The following COL22A1 variants were observed in gnomAD, a reference collection of about 807,000 sequenced individuals.
COL22A1 encodes the protein collagen type XXII alpha 1 chain.
In COL22A1, 221 loss-of-function variants were observed where a neutral mutation model predicts 248.9. The observed-to-expected ratio is 0.89, with a 90% CI of 0.80 to 0.99. COL22A1 has a LOEUF of 0.99. Among genes scored for constraint, COL22A1 ranks in the 50% least tolerant of loss-of-function variants. The pLI is 0.00. For missense variants in COL22A1, 2,240 were observed against 2,179.0 expected (o/e 1.03, Z -0.56); for synonymous variants, 891 against 793.4 (o/e 1.12, Z -2.07).
intron 1 of COL22A1, among the ~76,000 whole-genome samples, chr8:138,894,630 T>C (rs1265055679): frequency 2.0e-5 from 3 of 152,108 alleles, no homozygotes; most frequent in Non-Finnish European, 4.4e-5. Context: ...GAGCTGGAGA[T>C]ATTCCTGGAA....
chr8:138,822,589 G>C (rs1353315727), intron 6 of COL22A1, among the ~76,000 whole-genome samples: 8 of 152,132 alleles, frequency 5.3e-5, no homozygotes, highest in Non-Finnish European at 1.2e-4. Flanking sequence ...GTCTTCATCT[G>C]CTCTAATATT....
At chr8:138,828,459 A>T (rs1206817324) in intron 5 of COL22A1, among the ~76,000 whole-genome samples, 1 of 152,116 alleles carries the variant, frequency 6.6e-6, no homozygotes, top group Non-Finnish European at 1.5e-5. Context: ...CTAGACTTAC[A>T]TCCTATCAAA....
chr8:138,630,652 T>G, intron 50 of COL22A1, 43 bp downstream of exon 50: 3 of 1,582,818 alleles, frequency 1.9e-6, no homozygotes, highest in Non-Finnish European at 2.6e-6. Context: ...CCAGAAAGGC[T>G]AAAGACAGAT....
At chr8:138,909,949 T>C (rs1815327851) in intron 1 of COL22A1, among the ~76,000 whole-genome samples, 2 of 152,160 alleles carry the variant, frequency 1.3e-5, no homozygotes, top group Non-Finnish European at 2.9e-5. Flanking sequence ...CTGAGATACA[T>C]CATTGCCAAA....
intron 46 of COL22A1, 78 bp downstream of exon 46, chr8:138,649,587 A>T (rs1277756073): frequency 2.6e-6 from 4 of 1,547,338 alleles, no homozygotes; most frequent in Non-Finnish European, 3.5e-6. Flanking sequence ...CTTCAGAGGC[A>T]GATGGGGCAA....
At chr8:138,677,983 C>T (rs555358820) in intron 40 of COL22A1, among the ~76,000 whole-genome samples, 21 of 152,288 alleles carry the variant, frequency 1.4e-4, no homozygotes, top group African/African-American at 4.1e-4. Context: ...AGGTAGAACT[C>T]GATATTGCTA....
At chr8:138,634,457 G>T (rs1373579752) in intron 49 of COL22A1, among the ~76,000 whole-genome samples, 1 of 152,106 alleles carries the variant, frequency 6.6e-6, no homozygotes, top group Non-Finnish European at 1.5e-5. Context: ...GGCTGCAACA[G>T]CAGTGGACTC....
intron 39 of COL22A1, among the ~76,000 whole-genome samples, chr8:138,683,507 C>T (rs760954747): frequency 8.5e-5 from 13 of 152,136 alleles, no homozygotes; most frequent in South Asian, 2.1e-4. Context: ...CCTCAGCAGA[C>T]GACATGCCCC....
chr8:138,748,232 G>A (rs116916799), intron 22 of COL22A1, among the ~76,000 whole-genome samples: 1,570 of 152,234 alleles, frequency 0.01, 15 homozygotes, highest in Non-Finnish European at 0.014. Context: ...ATCTCCCTCT[G>A]TCCTCTGAAC....
chr8:138,600,844 G>C (rs990213948), intron 60 of COL22A1, among the ~76,000 whole-genome samples: 4 of 152,192 alleles, frequency 2.6e-5, no homozygotes, highest in Admixed American at 2.6e-4. Context: ...GTCTAGTAAA[G>C]TCCTGATATT....
intron 56 of COL22A1, among the ~76,000 whole-genome samples, chr8:138,609,773 C>A (rs925854478): frequency 1.3e-5 from 2 of 152,098 alleles, no homozygotes; most frequent in Non-Finnish European, 2.9e-5. Flanking sequence ...CATACGGTGC[C>A]AACACAGGCC....
chr8:138,814,253 G>C, intron 7 of COL22A1, among the ~76,000 whole-genome samples: 1 of 152,204 alleles, frequency 6.6e-6, no homozygotes, highest in South Asian at 2.1e-4. Context: ...CTTGAGCAAC[G>C]AGCAATCTCC....
At chr8:138,906,032 G>A (rs896186828) in intron 1 of COL22A1, among the ~76,000 whole-genome samples, 1 of 152,026 alleles carries the variant, frequency 6.6e-6, no homozygotes, top group African/African-American at 2.4e-5. Context: ...TTCCTTAGGG[G>A]CTCCCACAGA....
chr8:138,641,565 T>C (rs1821712808), intron 47 of COL22A1, among the ~76,000 whole-genome samples: 1 of 152,296 alleles, frequency 6.6e-6, no homozygotes, highest in African/African-American at 2.4e-5. Context: ...AGACCCTATA[T>C]CTTAAAGTCA....
chr8:138,859,189 G>T (rs559316893), intron 3 of COL22A1, among the ~76,000 whole-genome samples: 63 of 152,338 alleles, frequency 4.1e-4, no homozygotes, highest in Middle Eastern at 3.4e-3. Flanking sequence ...TTAGCACACA[G>T]CCTGGGCATG....
At chr8:138,630,630 A>C in intron 50 of COL22A1, 65 bp downstream of exon 50, 1 of 1,447,992 alleles carries the variant, frequency 6.9e-7, no homozygotes, top group Non-Finnish European at 9.7e-7. Context: ...GAATTGGCAA[A>C]CACCTGGGGT....
At chr8:138,892,591 T>C (rs1381932875) in intron 1 of COL22A1, among the ~76,000 whole-genome samples, 1 of 152,154 alleles carries the variant, frequency 6.6e-6, no homozygotes, top group Non-Finnish European at 1.5e-5. Context: ...GCTGGCAGGA[T>C]GTAGGCCACA....
At chr8:138,601,151 GGCTGCCTGAGTC>G (rs1317070095) in intron 60 of COL22A1, among the ~76,000 whole-genome samples, 1 of 151,716 alleles carries the variant, frequency 6.6e-6, no homozygotes, top group East Asian at 1.9e-4. Context: ...TAGCTCCCAC[GGCTGCCTGAGTC>G]GCATTCTCGG....
At chr8:138,896,210 A>C (rs1825404662) in intron 1 of COL22A1, among the ~76,000 whole-genome samples, 2 of 152,244 alleles carry the variant, frequency 1.3e-5, no homozygotes, top group African/African-American at 4.8e-5. Flanking sequence ...GATAAAAATA[A>C]GGGCATATAT....
Sources: gnomAD v4.1 joint callset for allele counts (sites outside exome capture counted in the v4.1 genomes callset) on GRCh38, gnomAD v4.1.1 for gene constraint, MANE v1.5 for transcripts, NCBI Gene and HGNC (gene_info 2026-07-23, HGNC 2026-07-21) for gene names.